Variants in SPAG16 observed in about 807,000 individuals in gnomAD.
SPAG16 encodes sperm associated antigen 16.
Under a neutral mutation model 80.4 loss-of-function variants are expected in SPAG16, and 86 were observed. The observed-to-expected ratio is 1.07, with a 90% CI of 0.90 to 1.28. The LOEUF (loss-of-function observed/expected upper bound fraction) is 1.28, where lower values mean the gene tolerates loss of function less well. Among genes scored for constraint, SPAG16 ranks in the 50% most tolerant of loss-of-function variants. SPAG16 has a pLI of 0.00. For missense variants in SPAG16, 870 were observed against 765.3 expected, an observed-to-expected ratio of 1.14 and a Z score of -1.61; for synonymous variants, 294 against 265.9, an observed-to-expected ratio of 1.11 and a Z score of -1.03.
chr2:213,477,952 T>C (rs2073509160), intron 9 of SPAG16, among the ~76,000 whole-genome samples: 1 of 152,060 alleles, frequency 6.6e-6, no homozygotes, highest in Admixed American at 6.6e-5. Flanking sequence ...GTAAAAGAGG[T>C]GGAGATAATT....
At chr2:214,146,300 G>A (rs1440861216) in intron 14 of SPAG16, among the ~76,000 whole-genome samples, 2 of 152,090 alleles carry the variant, frequency 1.3e-5, no homozygotes, top group African/African-American at 4.8e-5. Context: ...ATTCTGTCTC[G>A]AGGAAGGAGA....
chr2:213,923,623 G>T (rs1479467356), intron 11 of SPAG16, among the ~76,000 whole-genome samples: 1 of 152,202 alleles, frequency 6.6e-6, no homozygotes, highest in Non-Finnish European at 1.5e-5. Flanking sequence ...GGGGTTGTCT[G>T]CCCTACCAGC....
At chr2:214,017,985 A>G (rs2047673676) in intron 13 of SPAG16, among the ~76,000 whole-genome samples, 1 of 152,162 alleles carries the variant, frequency 6.6e-6, no homozygotes, top group African/African-American at 2.4e-5. Flanking sequence ...TTAGAAATAA[A>G]GTTCATTTAA....
chr2:214,385,918 C>T (rs767313745), intron 15 of SPAG16, among the ~76,000 whole-genome samples: 2 of 152,160 alleles, frequency 1.3e-5, no homozygotes, highest in Non-Finnish European at 2.9e-5. Context: ...AGCACAGATC[C>T]AAATCTGAAG....
chr2:213,338,880 T>C (rs1323070373), intron 5 of SPAG16, among the ~76,000 whole-genome samples: 1 of 152,004 alleles, frequency 6.6e-6, no homozygotes, highest in Non-Finnish European at 1.5e-5. Context: ...AGTATGTGGT[T>C]GGGGGAGGTG....
At chr2:214,400,989 A>G (rs1200192155) in intron 15 of SPAG16, among the ~76,000 whole-genome samples, 1 of 152,184 alleles carries the variant, frequency 6.6e-6, no homozygotes, top group African/African-American at 2.4e-5. Flanking sequence ...ATAGTAAAAA[A>G]TGCTGGAAAA....
At chr2:213,348,896 C>G (rs1393766598) in intron 6 of SPAG16, among the ~76,000 whole-genome samples, 1 of 152,146 alleles carries the variant, frequency 6.6e-6, no homozygotes, top group Non-Finnish European at 1.5e-5. Flanking sequence ...GTGGCATTCT[C>G]TGTATTTCCT....
At chr2:214,393,075 A>G (rs903682264) in intron 15 of SPAG16, among the ~76,000 whole-genome samples, 2 of 152,202 alleles carry the variant, frequency 1.3e-5, no homozygotes, top group Non-Finnish European at 2.9e-5. Flanking sequence ...ATTTTTCACT[A>G]TAGTTCTATA....
At chr2:214,290,853 G>A (rs1187151654) in intron 15 of SPAG16, among the ~76,000 whole-genome samples, 1 of 152,132 alleles carries the variant, frequency 6.6e-6, no homozygotes, top group Non-Finnish European at 1.5e-5. Context: ...TGTATATTTT[G>A]TAATTTTGGA....
At chr2:214,016,597 A>G (rs946794909) in intron 13 of SPAG16, among the ~76,000 whole-genome samples, 10 of 152,212 alleles carry the variant, frequency 6.6e-5, no homozygotes, top group African/African-American at 2.4e-4. Flanking sequence ...AAGATCAAAT[A>G]AAGGATCCTC....
intron 11 of SPAG16, among the ~76,000 whole-genome samples, chr2:213,897,726 C>A (rs1413280265): frequency 6.6e-6 from 1 of 152,256 alleles, no homozygotes; most frequent in East Asian, 1.9e-4. Flanking sequence ...CATCTAATTT[C>A]TAATTCCAGC....
intron 15 of SPAG16, among the ~76,000 whole-genome samples, chr2:214,269,309 A>C (rs1337510277): frequency 6.6e-6 from 1 of 152,030 alleles, no homozygotes; most frequent in African/African-American, 2.4e-5. Context: ...AGAAAATAAA[A>C]CATCTAGCCT....
intron 10 of SPAG16, among the ~76,000 whole-genome samples, chr2:213,810,802 C>A (rs1273424589): frequency 6.6e-6 from 1 of 152,130 alleles, no homozygotes; most frequent in African/African-American, 2.4e-5. Context: ...TATTTGGTTG[C>A]AGAACTGGCT....
chr2:214,197,438 C>T (rs1375662219), intron 15 of SPAG16, among the ~76,000 whole-genome samples: 1 of 151,708 alleles, frequency 6.6e-6, no homozygotes, highest in Non-Finnish European at 1.5e-5. Context: ...ACATAGTCTA[C>T]AATATGAATG....
intron 13 of SPAG16, among the ~76,000 whole-genome samples, chr2:214,041,978 G>GTATATGTATA (rs1553702112): frequency 4.3e-5 from 5 of 116,362 alleles, no homozygotes; most frequent in African/African-American, 1.6e-4. Flanking sequence ...GTCTGTGTGT[G>GTATATGTATA]TATATATATA....
intron 10 of SPAG16, among the ~76,000 whole-genome samples, chr2:213,505,537 T>A (rs1281987047): frequency 6.6e-6 from 1 of 152,194 alleles, no homozygotes; most frequent in African/African-American, 2.4e-5. Context: ...GATGAAGCAG[T>A]TGATGATAAT....
chr2:214,238,118 A>G (rs1483473585), intron 15 of SPAG16: 1 of 407,730 alleles, frequency 2.5e-6, no homozygotes, highest in Admixed American at 3.3e-5. Flanking sequence ...TTAATCATAC[A>G]ATTTGCTTTT....
At position 214,321,725 on chromosome 2, in the gene SPAG16, C is replaced by T. The variant is rs536308556; in HGVS notation, c.1721-88415C>T. Among the ~76,000 whole-genome samples, 185 of 152,220 alleles carry T rather than the reference C, an allele frequency of 1.2e-3. 1 individual carries two copies. Among genetic ancestry groups the T allele is most frequent in the Middle Eastern group, 6.8e-3 (2 of 294 alleles). On this transcript the variant is annotated intron_variant, in intron 15 of 15. Coordinates refer to ENST00000331683, the MANE Select transcript of SPAG16 (RefSeq NM_024532.5). Reference sequence around the variant, plus strand: ...TTTGTTTACTAGACTATAATTTGTGCTTATTAGACTGGTATATTATTGAAA... The same window carrying T: ...TTTGTTTACTAGACTATAATTTGTGTTTATTAGACTGGTATATTATTGAAA...
At chr2:213,298,154 C>G (rs1279050783) in intron 3 of SPAG16, among the ~76,000 whole-genome samples, 1 of 152,050 alleles carries the variant, frequency 6.6e-6, no homozygotes, top group Non-Finnish European at 1.5e-5. Flanking sequence ...AAATGTCTGT[C>G]CACTCAAAAT....
Sources: allele counts gnomAD v4.1 joint callset (sites outside exome capture counted in the v4.1 genomes callset), GRCh38; gene constraint gnomAD v4.1.1; transcripts MANE v1.5; gene names NCBI Gene and HGNC (gene_info 2026-07-23, HGNC 2026-07-21).